The following FNDC3B variants were observed in gnomAD, a reference collection of about 807,000 sequenced individuals.
FNDC3B encodes the protein fibronectin type III domain containing 3B, also known as fibronectin type III domain-containing protein 3B.
FNDC3B carries 12 observed loss-of-function variants against 151.5 expected under a neutral mutation model. The ratio of observed to expected loss-of-function variants is 0.08; its 90% CI spans 0.05 to 0.13. FNDC3B has a LOEUF of 0.13. Ranked by LOEUF, FNDC3B falls within the 10% of genes least tolerant of loss-of-function variation. FNDC3B has a pLI of 1.00. For synonymous variants in FNDC3B, 528 were observed against 549.0 expected (o/e 0.96, Z 0.54); for missense variants, 1,214 against 1,505.3 (o/e 0.81, Z 3.20).
intron 3 of FNDC3B, among the ~76,000 whole-genome samples, chr3:172,176,819 A>T (rs1186240968): frequency 6.6e-6 from 1 of 152,148 alleles, no homozygotes; most frequent in Non-Finnish European, 1.5e-5. Flanking sequence ...GGGCCCTTGT[A>T]ATAGCTATAG....
intron 4 of FNDC3B, among the ~76,000 whole-genome samples, chr3:172,243,275 A>G (rs1279161625): frequency 6.6e-6 from 1 of 152,188 alleles, no homozygotes; most frequent in Non-Finnish European, 1.5e-5. Flanking sequence ...ATTTTCGGGT[A>G]ACTTTTCAGC....
intron 9 of FNDC3B, among the ~76,000 whole-genome samples, chr3:172,301,397 T>G (rs1010312464): frequency 7.9e-5 from 12 of 152,204 alleles, no homozygotes; most frequent in African/African-American, 2.7e-4. Context: ...CTTTTTACAG[T>G]CCAGTTAATA....
chr3:172,160,150 C>CATTACT (rs1722697492), intron 3 of FNDC3B, among the ~76,000 whole-genome samples: 1 of 152,172 alleles, frequency 6.6e-6, no homozygotes, highest in Non-Finnish European at 1.5e-5. Flanking sequence ...CAGCAGTGGG[C>CATTACT]ATTACTATTA....
At chr3:172,234,524 C>G (rs932596252) in intron 4 of FNDC3B, among the ~76,000 whole-genome samples, 2 of 152,124 alleles carry the variant, frequency 1.3e-5, no homozygotes, top group African/African-American at 4.8e-5. Context: ...CATATTATTC[C>G]TTAACAGGGT....
In FNDC3B at chr3:172,295,425, T is replaced by C; in HGVS notation, c.912T>C (p.Cys304=). ...LSWAPPVGLS[C]GPHSGLSFPY... ...GGGCTCCCCCTGTTGGACTTTCCTG[T>C]GGACCCCACAGTGGTCTTTCCTTCC... Residue 304 remains cysteine, a synonymous_variant, in exon 8 of 26, where the codon TGT becomes TGC. Coordinates refer to ENST00000415807, the MANE Select transcript of FNDC3B (RefSeq NM_022763.4). 2 of 1,614,070 alleles carry C rather than the reference T, an allele frequency of 1.2e-6. No homozygotes were observed. The highest frequency in any genetic ancestry group is 1.1e-5 in the South Asian group (1 of 91,086).
At chr3:172,239,971 C>T (rs1560034269) in intron 4 of FNDC3B, among the ~76,000 whole-genome samples, 1 of 146,404 alleles carries the variant, frequency 6.8e-6, no homozygotes, top group Admixed American at 7.0e-5. Context: ...TGGGTTCACA[C>T]CATCCTCCTG....
At chr3:172,201,336 GT>G (rs996297079) in intron 3 of FNDC3B, among the ~76,000 whole-genome samples, 9 of 152,006 alleles carry the variant, frequency 5.9e-5, no homozygotes, top group Non-Finnish European at 1.2e-4. Context: ...TGTCTGTGAG[GT>G]TTTTTTTCCT....
intron 3 of FNDC3B, among the ~76,000 whole-genome samples, chr3:172,141,147 C>A (rs201769724): frequency 4.1e-5 from 2 of 48,328 alleles, no homozygotes; most frequent in Non-Finnish European, 7.8e-5. Context: ...CTGATTTTTC[C>A]CCCCCCTAAA....
chr3:172,138,028 C>T (rs1287026559), intron 3 of FNDC3B, among the ~76,000 whole-genome samples: 1 of 152,188 alleles, frequency 6.6e-6, no homozygotes. Flanking sequence ...GGCTGAGGTG[C>T]TGGCAATGCA....
intron 8 of FNDC3B, 28 bp downstream of exon 8, chr3:172,295,542 T>C (rs1730560289): frequency 1.2e-6 from 2 of 1,606,276 alleles, no homozygotes; most frequent in Non-Finnish European, 1.7e-6. Flanking sequence ...TGTTTTTCTT[T>C]GCTGCTAAAC....
At chr3:172,322,001 C>G (rs1732109405) in intron 11 of FNDC3B, among the ~76,000 whole-genome samples, 1 of 152,208 alleles carries the variant, frequency 6.6e-6, no homozygotes, top group Non-Finnish European at 1.5e-5. Context: ...AGGGGTAAAA[C>G]TTCATGCTAT....
chr3:172,216,673 AAAAT>A (rs1383192970), intron 3 of FNDC3B, among the ~76,000 whole-genome samples: 2 of 152,186 alleles, frequency 1.3e-5, no homozygotes, highest in Non-Finnish European at 2.9e-5. Context: ...ACCCTGTCTC[AAAAT>A]AAATAAATAA....
At chr3:172,310,801 C>A in intron 10 of FNDC3B, 27 bp from the exon 11 acceptor site, 1 of 1,574,268 alleles carries the variant, frequency 6.4e-7, no homozygotes, top group South Asian at 1.1e-5. Flanking sequence ...ACAACTTTCT[C>A]TAATCTCATG....
In FNDC3B at chr3:172,118,388, G is replaced by A. The variant is rs144317572; in HGVS notation, c.111+5798G>A. The stretch of plus-strand genomic sequence containing the variant: ...TGATAGCCACGGTGTCGGGGGACCC[G>A]TGAAGAGTTTTGCTTACATAACAGA... On this transcript the variant is annotated intron_variant, in intron 2 of 25. Transcript: ENST00000415807. Among the ~76,000 whole-genome samples the A allele has an allele frequency of 3.9e-5, 6 of 152,316 alleles. No homozygotes were observed. In the East Asian group the frequency reaches 7.7e-4, roughly 20 times the overall value.
Position 172,040,987 on chromosome 3 carries a change from A to T in FNDC3B, c.-29+1216A>T, listed in dbSNP as rs1299727340. Among the ~76,000 whole-genome samples, 1 of 152,190 alleles carries T rather than the reference A, an allele frequency of 6.6e-6. No homozygotes were observed. The highest frequency in any genetic ancestry group is 1.5e-5 in the Non-Finnish European group (1 of 68,016). ...CCACCCTGCCATCCCAGACGAAGGG[A>T]AGCAATGGCATTTTATCCAGACAGT... On this transcript the variant is annotated intron_variant, in intron 1 of 25. Coordinates refer to ENST00000415807, the MANE Select transcript of FNDC3B (RefSeq NM_022763.4). This position sits in a 1 kb window ranked among gnomAD's most constrained non-coding sequence, Gnocchi z 6.6.
chr3:172,336,667 G>A (rs914090916), intron 15 of FNDC3B, among the ~76,000 whole-genome samples: 2 of 150,418 alleles, frequency 1.3e-5, no homozygotes, highest in South Asian at 4.3e-4. Flanking sequence ...TTGGGAGGCT[G>A]AGGCAAGTGG....
At chr3:172,186,503 A>G (rs1724192777) in intron 3 of FNDC3B, among the ~76,000 whole-genome samples, 1 of 152,230 alleles carries the variant, frequency 6.6e-6, no homozygotes, top group South Asian at 2.1e-4. Context: ...AAAGCTTGAC[A>G]AACTACATAA....
chr3:172,356,495 T>C (rs1396999043), intron 22 of FNDC3B, among the ~76,000 whole-genome samples: 3 of 152,090 alleles, frequency 2.0e-5, no homozygotes, highest in African/African-American at 7.2e-5. Flanking sequence ...AGATTATAGG[T>C]AGAGATCTTA....
intron 17 of FNDC3B, among the ~76,000 whole-genome samples, chr3:172,341,446 T>G (rs897939834): frequency 6.6e-6 from 1 of 152,200 alleles, no homozygotes; most frequent in Non-Finnish European, 1.5e-5. Context: ...TATTTTCGGG[T>G]ACATTTGTCA....
Sources: gnomAD v4.1 joint callset for allele counts (sites outside exome capture counted in the v4.1 genomes callset) on GRCh38, gnomAD v4.1.1 for gene constraint, Gnocchi (gnomAD v3.1) non-coding constraint, MANE v1.5 for transcripts, NCBI Gene and HGNC (gene_info 2026-07-23, HGNC 2026-07-21) for gene names.